Variants in GALNTL6 observed in about 807,000 individuals in gnomAD.
GALNTL6 encodes the protein polypeptide N-acetylgalactosaminyltransferase like 6.
Under a neutral mutation model 73.7 loss-of-function variants are expected in GALNTL6, and 46 were observed. The observed-to-expected ratio is 0.62, with a 90% CI of 0.49 to 0.80. The LOEUF is 0.80. Ranked by LOEUF, GALNTL6 falls within the 30% of genes least tolerant of loss-of-function variation. GALNTL6 has a pLI of 0.00. For missense variants in GALNTL6, 604 were observed against 755.0 expected, an observed-to-expected ratio of 0.80 and a Z score of 2.34; for synonymous variants, 259 against 263.7, an observed-to-expected ratio of 0.98 and a Z score of 0.17.
At chr4:171,883,939 T>A (rs967373083) in intron 2 of GALNTL6, among the ~76,000 whole-genome samples, 2 of 151,966 alleles carry the variant, frequency 1.3e-5, no homozygotes, top group Admixed American at 1.3e-4. Flanking sequence ...GAGCCACCGC[T>A]CCCAGACATA....
chr4:172,865,339 C>A (rs1744607184), intron 7 of GALNTL6, among the ~76,000 whole-genome samples: 1 of 152,174 alleles, frequency 6.6e-6, no homozygotes, highest in African/African-American at 2.4e-5. Context: ...TTCAGAAAGT[C>A]CCATGCACAG....
intron 9 of GALNTL6, among the ~76,000 whole-genome samples, chr4:172,949,064 A>G (rs1749312828): frequency 6.6e-6 from 1 of 152,200 alleles, no homozygotes; most frequent in South Asian, 2.1e-4. Flanking sequence ...CAAAGCAACA[A>G]TTTACCATTT....
chr4:172,425,205 T>A (rs1390386203), intron 5 of GALNTL6: 1 of 152,100 alleles, frequency 6.6e-6, no homozygotes, highest in Non-Finnish European at 1.5e-5. Flanking sequence ...TAGTTATATC[T>A]ATACTAACAG....
intron 9 of GALNTL6, among the ~76,000 whole-genome samples, chr4:172,942,696 C>T (rs553359641): frequency 2.6e-5 from 4 of 152,298 alleles, no homozygotes; most frequent in African/African-American, 9.6e-5. Flanking sequence ...CTTTCGCTTG[C>T]CTCTGTTTCC....
At chr4:172,046,193 G>T (rs1742215664) in intron 2 of GALNTL6, among the ~76,000 whole-genome samples, 1 of 151,968 alleles carries the variant, frequency 6.6e-6, no homozygotes, top group Admixed American at 6.6e-5. Context: ...GGCTGTTGTG[G>T]ATGATGTTGC....
At chr4:172,334,846 T>C (rs1289789187) in intron 4 of GALNTL6, among the ~76,000 whole-genome samples, 1 of 152,226 alleles carries the variant, frequency 6.6e-6, no homozygotes, top group Non-Finnish European at 1.5e-5. Flanking sequence ...TTCAGTAGGA[T>C]GTTTGGCTGT....
intron 2 of GALNTL6, among the ~76,000 whole-genome samples, chr4:171,900,483 ATTT>A (rs10713519): frequency 7.4e-4 from 104 of 141,490 alleles, no homozygotes; most frequent in Middle Eastern, 3.6e-3. Flanking sequence ...AATTTTTTGT[ATTT>A]TTTTTTTTTT....
intron 2 of GALNTL6, among the ~76,000 whole-genome samples, chr4:172,036,463 C>G (rs939320623): frequency 1.3e-5 from 2 of 151,966 alleles, no homozygotes. Context: ...TGTATTCTCC[C>G]AAAAATCTTA....
At chr4:172,107,276 A>G in intron 2 of GALNTL6, among the ~76,000 whole-genome samples, 1 of 152,210 alleles carries the variant, frequency 6.6e-6, no homozygotes, top group Admixed American at 6.5e-5. Flanking sequence ...AGGTGGAGAT[A>G]TCACAAAACC....
intron 7 of GALNTL6, among the ~76,000 whole-genome samples, chr4:172,833,318 G>A (rs1342230170): frequency 6.6e-6 from 1 of 152,170 alleles, no homozygotes; most frequent in East Asian, 1.9e-4. Flanking sequence ...CAATTTAAGG[G>A]AGAAATGATA....
At chr4:172,813,437 A>G (rs572293981) in intron 6 of GALNTL6, 103 bp from the exon 7 acceptor site, 11 of 880,818 alleles carry the variant, frequency 1.2e-5, no homozygotes, top group Admixed American at 2.5e-5. Flanking sequence ...CCACGGCTGC[A>G]AGCATTATGC....
At chr4:172,210,934 AT>A (rs1292906373) in intron 2 of GALNTL6, among the ~76,000 whole-genome samples, 1 of 151,964 alleles carries the variant, frequency 6.6e-6, no homozygotes, top group African/African-American at 2.4e-5. Flanking sequence ...TTATTTTTTA[AT>A]TTTCTTGTTC....
At chr4:172,531,472 G>A (rs1196354986) in intron 5 of GALNTL6, among the ~76,000 whole-genome samples, 5 of 152,180 alleles carry the variant, frequency 3.3e-5, no homozygotes, top group African/African-American at 9.7e-5. Context: ...TCCCCTGACC[G>A]CGTTTCCTTC....
At chr4:172,295,464 A>G (rs1393503841) in intron 3 of GALNTL6, among the ~76,000 whole-genome samples, 1 of 146,564 alleles carries the variant, frequency 6.8e-6, no homozygotes, top group Non-Finnish European at 1.5e-5. Flanking sequence ...GAGACTGAGT[A>G]TTATTAACAA....
chr4:172,833,155 T>A (rs1742730964), intron 7 of GALNTL6, among the ~76,000 whole-genome samples: 2 of 152,020 alleles, frequency 1.3e-5, no homozygotes, highest in African/African-American at 4.8e-5. Context: ...ATAATAAATA[T>A]CCATTGCACC....
At chr4:172,154,906 AAT>A (rs1734209448) in intron 2 of GALNTL6, among the ~76,000 whole-genome samples, 1 of 152,330 alleles carries the variant, frequency 6.6e-6, no homozygotes, top group East Asian at 1.9e-4. Flanking sequence ...CCCTAAAATT[AAT>A]ATGTCAAAAT....
chr4:172,714,935 A>G (rs530125233), intron 5 of GALNTL6, among the ~76,000 whole-genome samples: 1 of 152,104 alleles, frequency 6.6e-6, no homozygotes, highest in African/African-American at 2.4e-5. Flanking sequence ...GACTATTGAG[A>G]TTTCTGATTC....
At chr4:171,882,903 T>C (rs150590520) in intron 2 of GALNTL6, among the ~76,000 whole-genome samples, 68 of 152,354 alleles carry the variant, frequency 4.5e-4, no homozygotes, top group African/African-American at 1.6e-3. Flanking sequence ...GAATAGTATG[T>C]GACATTTATC....
intron 5 of GALNTL6, among the ~76,000 whole-genome samples, chr4:172,595,456 G>A (rs1737816332): frequency 6.6e-6 from 1 of 152,058 alleles, no homozygotes; most frequent in South Asian, 2.1e-4. Context: ...AACCCATCTA[G>A]TGTTAAGAGA....
Sources: allele counts gnomAD v4.1 joint callset (sites outside exome capture counted in the v4.1 genomes callset), GRCh38; gene constraint gnomAD v4.1.1; transcripts MANE v1.5; gene names NCBI Gene and HGNC (gene_info 2026-07-23, HGNC 2026-07-21).